LRTM1: variants seen among roughly 807,000 people sequenced by gnomAD.
LRTM1 encodes leucine rich repeat transmembrane protein 1.
A neutral mutation model predicts 32.4 loss-of-function variants in LRTM1; 38 were observed. The ratio of observed to expected loss-of-function variants is 1.17; its 90% CI spans 0.91 to 1.54. The LOEUF (loss-of-function observed/expected upper bound fraction) is 1.54. Ranked by LOEUF, LRTM1 falls within the 40% of genes most tolerant of loss-of-function variation. LRTM1 has a pLI of 0.00. For synonymous variants in LRTM1, 186 were observed against 169.9 expected (o/e 1.09, Z -0.74); for missense variants, 466 against 415.4 (o/e 1.12, Z -1.06).
chr3:54,961,983 G>A (rs1702039535), intron 1 of LRTM1, among the ~76,000 whole-genome samples: 1 of 152,008 alleles, frequency 6.6e-6, no homozygotes, highest in African/African-American at 2.4e-5. Context: ...CATCGTGAGG[G>A]GACTGAGCGT....
At chr3:54,955,936 A>G (rs1185903293) in intron 1 of LRTM1, among the ~76,000 whole-genome samples, 1 of 152,168 alleles carries the variant, frequency 6.6e-6, no homozygotes, top group African/African-American at 2.4e-5. Flanking sequence ...GATGAAGAGA[A>G]AAAATTGGTA....
intron 1 of LRTM1, among the ~76,000 whole-genome samples, chr3:54,957,427 G>A (rs1036022649): frequency 6.6e-6 from 1 of 152,094 alleles, no homozygotes; most frequent in African/African-American, 2.4e-5. Context: ...GGGATTACAG[G>A]TGTGAGCCAC....
chr3:54,924,616 G>A lies in LRTM1; in HGVS notation c.604+3C>T. 2.5e-6 allele frequency: 4 copies of A among 1,609,526 alleles called. No homozygotes were observed. Among genetic ancestry groups the A allele is most frequent in the Non-Finnish European group, 3.4e-6 (4 of 1,176,288 alleles). On this transcript the variant is annotated splice_donor_region_variant and intron_variant, in intron 2 of 2. Coordinates refer to ENST00000273286, the MANE Select transcript of LRTM1 (RefSeq NM_020678.4). ...TGGGGGGTTCCAAATAGACATGACT[G>A]ACCTTTATAGACAAATTTCTCCAGC... is the stretch of plus-strand genomic sequence containing the variant.
At position 54,955,328 on chromosome 3, in the gene LRTM1, A is replaced by C. The variant is rs989475439; in HGVS notation, c.-222+11600T>G. On this transcript the variant is annotated intron_variant, in intron 1 of 2. Coordinates refer to the LRTM1 transcript ENST00000493075. ...CAGGTAATCTCTTGAAGCTACTCTCAGAAGAACAGATGAAAAGTCTGTCTG... is the reference window on the plus strand; with the variant it reads ...CAGGTAATCTCTTGAAGCTACTCTCCGAAGAACAGATGAAAAGTCTGTCTG... Among the ~76,000 whole-genome samples the C allele has an allele frequency of 4.6e-5, 7 of 152,306 alleles. No homozygotes were observed. In the South Asian group the frequency reaches 1.4e-3, roughly 32 times the overall value.
At chr3:54,962,308 G>GTAA (rs966548238) in intron 1 of LRTM1, among the ~76,000 whole-genome samples, 5 of 152,158 alleles carry the variant, frequency 3.3e-5, no homozygotes, top group African/African-American at 1.2e-4. Flanking sequence ...GCATGATTTT[G>GTAA]TAATGCATTT....
chr3:54,946,060 G>A (rs573268314), intron 1 of LRTM1, among the ~76,000 whole-genome samples: 9 of 152,320 alleles, frequency 5.9e-5, no homozygotes, highest in South Asian at 2.1e-4. Context: ...GTTCTAAGAT[G>A]CCATAAATAG....
chr3:54,933,910 A>G (rs1701268073), intron 1 of LRTM1, among the ~76,000 whole-genome samples: 1 of 152,020 alleles, frequency 6.6e-6, no homozygotes, highest in African/African-American at 2.4e-5. Flanking sequence ...CTGGGATTAC[A>G]GGCACACACC....
chr3:54,956,291 C>G (rs1701890699), intron 1 of LRTM1, among the ~76,000 whole-genome samples: 1 of 152,198 alleles, frequency 6.6e-6, no homozygotes, highest in African/African-American at 2.4e-5. Context: ...CTTGGCTGTT[C>G]CTGGTGTAGT....
At chr3:54,966,693 C>T (rs749263495) in intron 1 of LRTM1, among the ~76,000 whole-genome samples, 7 of 152,114 alleles carry the variant, frequency 4.6e-5, no homozygotes, top group Non-Finnish European at 1.0e-4. Context: ...GTGGTGCACA[C>T]CTGTAATCCC....
At position 54,945,881 on chromosome 3, in the gene LRTM1, C is replaced by T. The variant is rs74804902; in HGVS notation, c.-221-20666G>A. 6.2e-3 allele frequency among the ~76,000 whole-genome samples: 942 copies of T among 152,214 alleles called. 8 individuals are homozygous for T. The highest frequency in any genetic ancestry group is 0.021 in the African/African-American group (867 of 41,516). ...GCAGCAAAGCTGAGGTAATGCCAGG[C>T]GTAGGTAGGGTGGTGGATGGCGGGG... On this transcript the variant is annotated intron_variant, in intron 1 of 2. Coordinates refer to the LRTM1 transcript ENST00000493075.
chr3:54,958,626 T>C (rs962110964), intron 1 of LRTM1, among the ~76,000 whole-genome samples: 10 of 152,184 alleles, frequency 6.6e-5, no homozygotes, highest in African/African-American at 2.4e-4. Context: ...CTGGAACTAA[T>C]AGCAAAGTCA....
chr3:54,944,201 C>G (rs1480161011), intron 1 of LRTM1, among the ~76,000 whole-genome samples: 1 of 151,880 alleles, frequency 6.6e-6, no homozygotes, highest in Non-Finnish European at 1.5e-5. Context: ...TGTGAGTTCA[C>G]TTCATTCATT....
At position 54,936,239 on chromosome 3, in the gene LRTM1, A is replaced by G. The variant is rs573173213; in HGVS notation, c.-221-11024T>C. 1.3e-5 allele frequency among the ~76,000 whole-genome samples: 2 copies of G among 152,296 alleles called. 1 individual carries two copies. Among genetic ancestry groups the G allele is most frequent in the South Asian group, 4.1e-4 (2 of 4,826 alleles). On this transcript the variant is annotated intron_variant, in intron 1 of 2. Coordinates refer to the LRTM1 transcript ENST00000493075. ...TCTATTATTGTGTCTATAGGTATCA[A>G]CTAGGTACTTAGATTGTATCTGCTT...
intron 1 of LRTM1, among the ~76,000 whole-genome samples, 178 bp downstream of exon 1, chr3:54,927,727 C>A (rs1701064701): frequency 2.0e-5 from 3 of 152,202 alleles, no homozygotes; most frequent in African/African-American, 7.2e-5. Flanking sequence ...TCTCCACCCT[C>A]TTCCTCTGCA....
upstream of LRTM1, among the ~76,000 whole-genome samples, chr3:54,928,730 G>A (rs1347770312): frequency 6.7e-6 from 1 of 148,630 alleles, no homozygotes; most frequent in Non-Finnish European, 1.5e-5. Context: ...CCCCCGAGTT[G>A]AATTGACCTT....
At chr3:54,948,851 C>A (rs1310005606) in intron 1 of LRTM1, among the ~76,000 whole-genome samples, 2 of 152,300 alleles carry the variant, frequency 1.3e-5, no homozygotes, top group East Asian at 3.9e-4. Context: ...CAACAACCAC[C>A]AAACTCAGAT....
At chr3:54,946,712 T>C (rs954928566) in intron 1 of LRTM1, among the ~76,000 whole-genome samples, 7 of 151,966 alleles carry the variant, frequency 4.6e-5, no homozygotes, top group Non-Finnish European at 8.8e-5. Context: ...GTTGCTTTGC[T>C]CACTTCTCCA....
chr3:54,945,377 G>A (rs1390119548), intron 1 of LRTM1, among the ~76,000 whole-genome samples: 1 of 152,128 alleles, frequency 6.6e-6, no homozygotes, highest in Non-Finnish European at 1.5e-5. Context: ...GGCCAAGTAG[G>A]GCCACCCTGT....
At chr3:54,942,163 T>G (rs1416338211) in intron 1 of LRTM1, among the ~76,000 whole-genome samples, 1 of 152,220 alleles carries the variant, frequency 6.6e-6, no homozygotes, top group Admixed American at 6.5e-5. Context: ...CAGAATGATT[T>G]CTGCAACAGG....
Sources: gnomAD v4.1 joint callset for allele counts (sites outside exome capture counted in the v4.1 genomes callset) on GRCh38, gnomAD v4.1.1 for gene constraint, MANE v1.5 for transcripts, NCBI Gene and HGNC (gene_info 2026-07-23, HGNC 2026-07-21) for gene names.